Variants in LSAMP observed in about 807,000 individuals in gnomAD.
LSAMP encodes limbic system associated membrane protein.
LSAMP carries 7 observed loss-of-function variants against 38.6 expected under a neutral mutation model. The ratio of observed to expected loss-of-function variants is 0.18; its 90% CI spans 0.10 to 0.34. The LOEUF (loss-of-function observed/expected upper bound fraction) is 0.34. Ranked by LOEUF, LSAMP falls within the 10% of genes least tolerant of loss-of-function variation. The pLI is 1.00. For missense variants in LSAMP, 313 were observed against 420.0 expected (o/e 0.75, Z 2.23); for synonymous variants, 154 against 166.8 (o/e 0.92, Z 0.59).
At chr3:115,816,981 T>C (rs184707837) in intron 6 of LSAMP, among the ~76,000 whole-genome samples, 2 of 152,348 alleles carry the variant, frequency 1.3e-5, no homozygotes, top group Non-Finnish European at 2.9e-5. Flanking sequence ...AATAATAGAA[T>C]GTGTCCGATC....
chr3:116,301,710 G>A (rs1298155296), intron 1 of LSAMP, among the ~76,000 whole-genome samples: 1 of 151,986 alleles, frequency 6.6e-6, no homozygotes, highest in African/African-American at 2.4e-5. Flanking sequence ...CCAAACCATG[G>A]GAAATTAAGG....
intron 3 of LSAMP, among the ~76,000 whole-genome samples, chr3:115,996,930 G>A (rs960559250): frequency 6.6e-6 from 1 of 152,048 alleles, no homozygotes; most frequent in Non-Finnish European, 1.5e-5. Flanking sequence ...AGACAGTATT[G>A]CTGGCCTTTT....
intron 1 of LSAMP, among the ~76,000 whole-genome samples, chr3:116,169,740 G>C (rs1710150865): frequency 6.6e-6 from 1 of 152,164 alleles, no homozygotes; most frequent in South Asian, 2.1e-4. Flanking sequence ...ATTCTTTGTA[G>C]AAACAGAAGA....
chr3:116,290,362 T>C (rs1238766829), intron 1 of LSAMP, among the ~76,000 whole-genome samples: 1 of 152,156 alleles, frequency 6.6e-6, no homozygotes, highest in African/African-American at 2.4e-5. Flanking sequence ...AACAAGTGGA[T>C]ATTAAAAATT....
At chr3:116,307,318 T>C (rs2047496700) in intron 1 of LSAMP, among the ~76,000 whole-genome samples, 1 of 152,014 alleles carries the variant, frequency 6.6e-6, no homozygotes, top group Non-Finnish European at 1.5e-5. Flanking sequence ...TGATTTACTT[T>C]TTAAATTATT....
chr3:115,959,730 G>C (rs1175243681), intron 3 of LSAMP, among the ~76,000 whole-genome samples: 1 of 152,142 alleles, frequency 6.6e-6, no homozygotes, highest in Admixed American at 6.5e-5. Context: ...GCTTGACATT[G>C]AGACTGGCAC....
rs1394618337 is a variant in LSAMP, at chr3:116,121,032, C to T, written c.156-34476G>A. Reference sequence around the variant, plus strand: ...GAACTCCAGGTTAAGAACACTCAGACTAGGGGCAATGTGATGGCTTAGAGT... The same window carrying T: ...GAACTCCAGGTTAAGAACACTCAGATTAGGGGCAATGTGATGGCTTAGAGT... On this transcript the variant is annotated intron_variant, in intron 1 of 6. Transcript: ENST00000490035. 2.0e-5 allele frequency among the ~76,000 whole-genome samples: 3 copies of T among 152,302 alleles called. No individual in the cohort carries two copies. The East Asian group carries it at 5.8e-4, about 29-fold the overall frequency.
chr3:116,179,859 A>C (rs914109199), intron 1 of LSAMP, among the ~76,000 whole-genome samples: 2 of 152,174 alleles, frequency 1.3e-5, no homozygotes, highest in African/African-American at 4.8e-5. Flanking sequence ...AATGTCAGAA[A>C]ATGTATCTAA....
intron 1 of LSAMP, among the ~76,000 whole-genome samples, chr3:116,225,710 G>C (rs1329897610): frequency 6.6e-6 from 1 of 150,718 alleles, no homozygotes; most frequent in Non-Finnish European, 1.5e-5. Context: ...AATAGCAGTT[G>C]TTAAGCCTAG....
chr3:116,289,820 A>G (rs2047240784), intron 1 of LSAMP, among the ~76,000 whole-genome samples: 1 of 152,238 alleles, frequency 6.6e-6, no homozygotes, highest in African/African-American at 2.4e-5. Flanking sequence ...TCAGTTTGCT[A>G]CAAAGAAGAG....
intron 1 of LSAMP, among the ~76,000 whole-genome samples, chr3:116,212,865 CTGAT>C (rs2046176255): frequency 6.6e-6 from 1 of 152,114 alleles, no homozygotes; most frequent in Non-Finnish European, 1.5e-5. Context: ...CACAGGGAAT[CTGAT>C]TTATTTGTCT....
chr3:116,248,616 G>A (rs2046634618), intron 1 of LSAMP, among the ~76,000 whole-genome samples: 1 of 151,852 alleles, frequency 6.6e-6, no homozygotes, highest in South Asian at 2.1e-4. Flanking sequence ...AAAACGCAGG[G>A]AAAGGAGGCA....
intron 6 of LSAMP, among the ~76,000 whole-genome samples, chr3:115,835,170 G>C (rs544592354): frequency 1.3e-5 from 2 of 152,156 alleles, no homozygotes; most frequent in African/African-American, 4.8e-5. Flanking sequence ...TAAATTCTTA[G>C]CATGTTATAA....
intron 1 of LSAMP, among the ~76,000 whole-genome samples, chr3:116,275,402 TA>T (rs1349244939): frequency 2.0e-5 from 3 of 152,098 alleles, no homozygotes; most frequent in Admixed American, 1.3e-4. Flanking sequence ...AAATAATGTC[TA>T]AAAAAATTAT....
At chr3:116,320,873 T>C (rs1457278345) in intron 1 of LSAMP, among the ~76,000 whole-genome samples, 1 of 152,154 alleles carries the variant, frequency 6.6e-6, no homozygotes, top group African/African-American at 2.4e-5. Context: ...GCCTTCAGAG[T>C]ATTTTCTTCC....
chr3:116,314,517 G>A (rs1384496432), intron 1 of LSAMP, among the ~76,000 whole-genome samples: 1 of 152,134 alleles, frequency 6.6e-6, no homozygotes, highest in East Asian at 1.9e-4. Context: ...AATTTACTTA[G>A]CATCCCCCAT....
intron 2 of LSAMP, among the ~76,000 whole-genome samples, chr3:116,062,618 C>T (rs148211383): frequency 2.0e-5 from 3 of 152,178 alleles, no homozygotes; most frequent in East Asian, 1.9e-4. Flanking sequence ...CAGACATAGA[C>T]GGGATCTGTG....
intron 1 of LSAMP, among the ~76,000 whole-genome samples, chr3:116,366,013 TAAAA>T (rs67452614): frequency 1.7e-4 from 5 of 28,684 alleles, no homozygotes; most frequent in Non-Finnish European, 6.1e-5. Context: ...TAGAGTATAA[TAAAA>T]AAAAAAAAAA....
chr3:116,171,198 G>A (rs573752529), intron 1 of LSAMP, among the ~76,000 whole-genome samples: 1 of 152,196 alleles, frequency 6.6e-6, no homozygotes, highest in East Asian at 1.9e-4. Context: ...TACAAATCAT[G>A]TGCTTAGAAC....
Sources: gnomAD v4.1 joint callset for allele counts (sites outside exome capture counted in the v4.1 genomes callset) on GRCh38, gnomAD v4.1.1 for gene constraint, MANE v1.5 for transcripts, NCBI Gene and HGNC (gene_info 2026-07-23, HGNC 2026-07-21) for gene names.